The following RSPO2 variants were observed in gnomAD, a reference collection of about 807,000 sequenced individuals.
The protein encoded by RSPO2 is R-spondin-2.
RSPO2 carries 14 observed loss-of-function variants against 30.9 expected under a neutral mutation model. That is an observed-to-expected ratio of 0.45 (90% CI 0.30 to 0.71). The LOEUF (loss-of-function observed/expected upper bound fraction) is 0.71, where lower values mean the gene tolerates loss of function less well. RSPO2 is among the 30% of genes least tolerant of loss of function. The pLI, the probability that RSPO2 is intolerant of heterozygous loss-of-function variation, is 0.08. For synonymous variants in RSPO2, 107 were observed against 96.4 expected (o/e 1.11, Z -0.64); for missense variants, 264 against 301.9 (o/e 0.87, Z 0.93).
intron 2 of RSPO2, among the ~76,000 whole-genome samples, chr8:108,006,642 A>T (rs1234339120): frequency 1.3e-5 from 2 of 152,078 alleles, no homozygotes; most frequent in African/African-American, 4.8e-5. Context: ...AGAAAGAAGG[A>T]TAAATGTCTG....
intron 2 of RSPO2, among the ~76,000 whole-genome samples, chr8:108,033,225 G>A (rs1223704264): frequency 6.6e-6 from 1 of 152,018 alleles, no homozygotes; most frequent in Non-Finnish European, 1.5e-5. Flanking sequence ...GTATACTGCA[G>A]CAAAAAATTA....
chr8:107,996,560 A>C (rs138185791), intron 2 of RSPO2, among the ~76,000 whole-genome samples: 269 of 152,320 alleles, frequency 1.8e-3, no homozygotes, highest in African/African-American at 6.1e-3. Context: ...TTACAAGTAC[A>C]CAGCAGAATG....
At chr8:107,941,461 T>A (rs910521002) in intron 5 of RSPO2, among the ~76,000 whole-genome samples, 1 of 152,190 alleles carries the variant, frequency 6.6e-6, no homozygotes, top group African/African-American at 2.4e-5. Context: ...TAAAGGCAAT[T>A]TCTACACCCT....
chr8:107,922,035 T>C (rs1812190638), intron 5 of RSPO2, among the ~76,000 whole-genome samples: 1 of 152,118 alleles, frequency 6.6e-6, no homozygotes, highest in African/African-American at 2.4e-5. Context: ...CCCTGAAAAC[T>C]GGCACGAGAC....
At chr8:107,999,149 C>A (rs1248984265) in intron 2 of RSPO2, among the ~76,000 whole-genome samples, 2 of 151,934 alleles carry the variant, frequency 1.3e-5, no homozygotes, top group Non-Finnish European at 2.9e-5. Flanking sequence ...GCTTTAACCT[C>A]CCGAGAAGCA....
chr8:107,999,039 A>C (rs1815131829), intron 2 of RSPO2, among the ~76,000 whole-genome samples: 1 of 152,176 alleles, frequency 6.6e-6, no homozygotes, highest in South Asian at 2.1e-4. Flanking sequence ...CCATCTCCAA[A>C]AACATAAAAA....
chr8:108,024,653 C>T (rs1362036180), intron 2 of RSPO2, among the ~76,000 whole-genome samples: 1 of 152,130 alleles, frequency 6.6e-6, no homozygotes, highest in African/African-American at 2.4e-5. Flanking sequence ...ATGAAAAGTA[C>T]ACACACACCT....
intron 5 of RSPO2, among the ~76,000 whole-genome samples, chr8:107,906,593 A>G (rs1811655313): frequency 6.6e-6 from 1 of 151,884 alleles, no homozygotes; most frequent in South Asian, 2.1e-4. Flanking sequence ...ATAAAAGCTT[A>G]AAAACTATTG....
chr8:107,959,975 A>G (rs1813569917), intron 4 of RSPO2, among the ~76,000 whole-genome samples: 1 of 152,130 alleles, frequency 6.6e-6, no homozygotes, highest in Admixed American at 6.6e-5. Flanking sequence ...ACATCAAATG[A>G]AATTCTGGGG....
intron 2 of RSPO2, among the ~76,000 whole-genome samples, chr8:108,015,141 A>T (rs1327024794): frequency 6.6e-6 from 1 of 152,150 alleles, no homozygotes; most frequent in Non-Finnish European, 1.5e-5. Flanking sequence ...TATATCCTCT[A>T]ATTCTGTGGT....
chr8:107,945,956 G>A (rs913395626), intron 5 of RSPO2, among the ~76,000 whole-genome samples: 1 of 152,172 alleles, frequency 6.6e-6, no homozygotes, highest in African/African-American at 2.4e-5. Flanking sequence ...TGTATATGTT[G>A]ACACATCTGT....
intron 5 of RSPO2, among the ~76,000 whole-genome samples, chr8:107,920,301 T>C (rs1002028813): frequency 2.6e-5 from 4 of 151,412 alleles, no homozygotes; most frequent in Non-Finnish European, 5.9e-5. Context: ...ATATGGCAGG[T>C]AAACATTTTA....
At chr8:107,927,337 T>G (rs1405741908) in intron 5 of RSPO2, among the ~76,000 whole-genome samples, 1 of 152,208 alleles carries the variant, frequency 6.6e-6, no homozygotes, top group Non-Finnish European at 1.5e-5. Context: ...TCATGTCATC[T>G]GCAAACAGGG....
intron 2 of RSPO2, among the ~76,000 whole-genome samples, chr8:108,003,696 G>C (rs1407094023): frequency 2.6e-5 from 4 of 151,924 alleles, no homozygotes; most frequent in Non-Finnish European, 5.9e-5. Context: ...TAACCCCGGG[G>C]AACATGCTAC....
chr8:108,018,178 G>A (rs1269524524), intron 2 of RSPO2, among the ~76,000 whole-genome samples: 2 of 152,160 alleles, frequency 1.3e-5, no homozygotes, highest in East Asian at 3.8e-4. Context: ...AAGAATCAGA[G>A]TTAAGACAGA....
intron 5 of RSPO2, among the ~76,000 whole-genome samples, chr8:107,907,612 G>C (rs890021648): frequency 6.6e-6 from 1 of 151,912 alleles, no homozygotes; most frequent in African/African-American, 2.4e-5. Flanking sequence ...CTTCTTGCAG[G>C]GACTATTGAT....
chr8:107,923,664 A>G (rs1812259807), intron 5 of RSPO2, among the ~76,000 whole-genome samples: 1 of 152,188 alleles, frequency 6.6e-6, no homozygotes, highest in African/African-American at 2.4e-5. Flanking sequence ...ACATGGAATC[A>G]CCCAAGATGC....
chr8:108,023,378 TAA>T (rs1811112006), intron 2 of RSPO2, among the ~76,000 whole-genome samples: 2 of 152,296 alleles, frequency 1.3e-5, no homozygotes, highest in African/African-American at 4.8e-5. Context: ...AGCTTCTGGT[TAA>T]AGTCAATCCA....
chr8:107,961,986 G>A (rs935172137), intron 3 of RSPO2, among the ~76,000 whole-genome samples: 3 of 152,180 alleles, frequency 2.0e-5, no homozygotes, highest in Non-Finnish European at 4.4e-5. Context: ...AAGTAAAGGA[G>A]AGAAGTTCGC....
Sources: gnomAD v4.1 joint callset for allele counts (sites outside exome capture counted in the v4.1 genomes callset) on GRCh38, gnomAD v4.1.1 for gene constraint, MANE v1.5 for transcripts, NCBI Gene and HGNC (gene_info 2026-07-23, HGNC 2026-07-21) for gene names.